Variants in CIP2A observed in about 807,000 individuals in gnomAD.
The protein encoded by CIP2A is cellular inhibitor of PP2A.
CIP2A carries 103 observed loss-of-function variants against 110.9 expected under a neutral mutation model. The ratio of observed to expected loss-of-function variants is 0.93; its 90% CI spans 0.79 to 1.09. The LOEUF (loss-of-function observed/expected upper bound fraction) is 1.09. Among genes scored for constraint, CIP2A ranks in the 50% least tolerant of loss-of-function variants. The pLI is 0.00. For missense variants in CIP2A, 1,088 were observed against 1,038.4 expected (o/e 1.05, Z -0.66); for synonymous variants, 381 against 361.6 (o/e 1.05, Z -0.61).
intron 1 of CIP2A, chr3:108,585,561 C>T (rs1221055353): frequency 7.8e-6 from 3 of 387,048 alleles, no homozygotes; most frequent in South Asian, 6.2e-5. Context: ...AGCAATATTT[C>T]TCCTTCACAC....
At chr3:108,560,623 G>A (rs1184195481) in intron 14 of CIP2A, 26 bp downstream of exon 14, 2 of 1,462,276 alleles carry the variant, frequency 1.4e-6, no homozygotes, top group Non-Finnish European at 1.9e-6. Flanking sequence ...TATGTACCAG[G>A]TTATAATTGC....
chr3:108,584,143 G>A (rs1475829621), intron 2 of CIP2A, among the ~76,000 whole-genome samples: 2 of 152,116 alleles, frequency 1.3e-5, no homozygotes, highest in African/African-American at 4.8e-5. Flanking sequence ...TACATAGAAT[G>A]TTCACTGCAC....
In CIP2A at chr3:108,568,282, A is replaced by G. The variant is rs780127496; in HGVS notation, c.1146T>C (p.Ala382=). 2.5e-6 allele frequency: 4 copies of G among 1,612,152 alleles called. No individual in the cohort carries two copies. The highest frequency in any genetic ancestry group is 1.7e-5 in the Admixed American group (1 of 59,830). The part of the protein sequence containing the change: ...DVIDAANCSS[A]DRFVTLLLPT... Reference sequence around the variant, plus strand: ...GCAGCAGAAGGGTCACAAAACGATCAGCCGAGGAACAGTTAGCAGCATCTA... The same window carrying G: ...GCAGCAGAAGGGTCACAAAACGATCGGCCGAGGAACAGTTAGCAGCATCTA... The change falls in exon 10 of 21, where the codon GCT becomes GCC. Residue 382 remains alanine (A), a synonymous_variant. Coordinates refer to ENST00000295746, the MANE Select transcript of CIP2A (RefSeq NM_020890.3).
chr3:108,584,560 T>C (rs888393568), intron 2 of CIP2A, among the ~76,000 whole-genome samples: 26 of 152,214 alleles, frequency 1.7e-4, no homozygotes, highest in African/African-American at 6.3e-4. Flanking sequence ...CTTAGTCTAT[T>C]ACCCACACTT....
intron 11 of CIP2A, 103 bp downstream of exon 11, chr3:108,566,387 GTTATATC>G: frequency 6.4e-6 from 5 of 781,210 alleles, no homozygotes; most frequent in Middle Eastern, 2.4e-4. Flanking sequence ...TTGTTAATCT[GTTATATC>G]TTAAGTTATA....
At chr3:108,562,114 T>C (rs1938025080) in intron 13 of CIP2A, among the ~76,000 whole-genome samples, 1 of 152,204 alleles carries the variant, frequency 6.6e-6, no homozygotes, top group African/African-American at 2.4e-5. Context: ...ATTTTGGTTA[T>C]ATGTTCTCTA....
intron 11 of CIP2A, among the ~76,000 whole-genome samples, chr3:108,566,188 AATTG>A (rs1461229781): frequency 6.6e-6 from 1 of 151,754 alleles, no homozygotes; most frequent in African/African-American, 2.4e-5. Context: ...AAAAAAGTAA[AATTG>A]ATTACTGAGG....
chr3:108,582,093 T>G lies in CIP2A; in HGVS notation c.452+15A>C, dbSNP rs779377508. On this transcript the variant is annotated intron_variant, in intron 4 of 20. Transcript: ENST00000295746. ...CAAATAAACTATTTGGTTTTATGTT[T>G]GATTGCATACTCACATGTGATCTAT... 3 of 1,172,562 alleles carry G rather than the reference T, an allele frequency of 2.6e-6. No individual in the cohort carries two copies. In the African/African-American group the frequency reaches 4.7e-5, roughly 18 times the overall value. 72.6% of individuals were successfully genotyped at this position (1,172,562 alleles called of 1,614,324 possible). A position where few individuals can be genotyped will look rare whatever the true frequency, so the allele number is the denominator to read the frequency against.
chr3:108,553,496 G>C (rs1318936777), intron 19 of CIP2A, 152 bp downstream of exon 19: 2 of 675,250 alleles, frequency 3.0e-6, no homozygotes, highest in Non-Finnish European at 4.7e-6. Context: ...AACTGCTTTT[G>C]TGAAACATTA....
chr3:108,568,650 T>C lies in CIP2A; in HGVS notation c.1114-336A>G, dbSNP rs144970225. Among the ~76,000 whole-genome samples the C allele has an allele frequency of 3.3e-3, 497 of 152,126 alleles. 2 individuals carry two copies. Among genetic ancestry groups the C allele is most frequent in the African/African-American group, 0.011 (470 of 41,550 alleles). On this transcript the variant is annotated intron_variant, in intron 9 of 20. Coordinates refer to ENST00000295746, the MANE Select transcript of CIP2A (RefSeq NM_020890.3). ...AAAAGTAATAACAATAATTAAATAA[T>C]AGACATTGGTCTTAATAGTTTATGA...
intron 4 of CIP2A, 89 bp downstream of exon 4, chr3:108,582,019 G>A: frequency 1.7e-6 from 1 of 601,092 alleles, no homozygotes. Flanking sequence ...GTTAGAAAAT[G>A]TTATCTAAGA....
chr3:108,568,455 T>C, intron 9 of CIP2A, 141 bp from the exon 10 acceptor site: 1 of 552,246 alleles, frequency 1.8e-6, no homozygotes, highest in East Asian at 3.3e-5. Flanking sequence ...CCTGTGAATA[T>C]TTAAATTTTT....
In CIP2A at chr3:108,550,384, A is replaced by G. The variant is rs1261970542; in HGVS notation, c.*765T>C. The G allele has an allele frequency of 6.6e-6, 1 of 151,508 alleles. No individual in the cohort carries two copies. Among genetic ancestry groups the G allele is most frequent in the Non-Finnish European group, 1.5e-5 (1 of 67,698 alleles). 9.4% of individuals were successfully genotyped at this position (151,508 alleles called of 1,614,324 possible). A position where few individuals can be genotyped will look rare whatever the true frequency, so the allele number is the denominator to read the frequency against. ...AATTATCCTTATGTAAATCATAAGAAACTTATAATTAATTATAGATGATCT... is the reference window on the plus strand; with the variant it reads ...AATTATCCTTATGTAAATCATAAGAGACTTATAATTAATTATAGATGATCT... On this transcript the variant is annotated 3_prime_UTR_variant, in exon 21 of 21. Coordinates refer to ENST00000295746, the MANE Select transcript of CIP2A (RefSeq NM_020890.3).
intron 5 of CIP2A, 83 bp from the exon 6 acceptor site, chr3:108,579,771 C>A (rs926538887): frequency 4.2e-5 from 30 of 715,594 alleles, no homozygotes; most frequent in Non-Finnish European, 5.0e-5. Flanking sequence ...ACAGAGTGGG[C>A]AAACTTTTAT....
intron 1 of CIP2A, among the ~76,000 whole-genome samples, chr3:108,588,242 A>T (rs1181220054): frequency 6.6e-6 from 1 of 152,134 alleles, no homozygotes; most frequent in Non-Finnish European, 1.5e-5. Context: ...AGCATTTAAC[A>T]GCTAACACCT....
At chr3:108,579,129 AGAGTGT>A in intron 7 of CIP2A, 146 bp downstream of exon 7, 1 of 564,098 alleles carries the variant, frequency 1.8e-6, no homozygotes, top group East Asian at 3.1e-5. Context: ...GAAAGAAAAA[AGAGTGT>A]GAGTAAAGCA....
intron 4 of CIP2A, among the ~76,000 whole-genome samples, 170 bp from the exon 5 acceptor site, chr3:108,581,681 T>C (rs1938886474): frequency 6.6e-6 from 1 of 152,130 alleles, no homozygotes; most frequent in African/African-American, 2.4e-5. Context: ...TTGAATAGTA[T>C]TGATCATTTA....
In CIP2A at chr3:108,575,394, A is replaced by G. The variant is rs975143373; in HGVS notation, c.894+877T>C. ...CACATATACATGTATGCGTGTATAT[A>G]TGTTCACATGTGTATGTATACATAT... On this transcript the variant is annotated intron_variant, in intron 8 of 20. Coordinates refer to ENST00000295746, the MANE Select transcript of CIP2A (RefSeq NM_020890.3). Among the ~76,000 whole-genome samples the G allele has an allele frequency of 2.3e-4, 34 of 149,206 alleles. No individual in the cohort carries two copies. In the Admixed American group the frequency reaches 2.3e-3, roughly 10 times the overall value.
Position 108,567,954 on chromosome 3 carries a change from G to C in CIP2A, c.1273+201C>G, listed in dbSNP as rs575595022. ...TACTTTAACTTAAAAGTTTCACACA[G>C]AAAAATAAGGAAAAAAAATCATGGA... On this transcript the variant is annotated intron_variant, in intron 10 of 20. Coordinates refer to ENST00000295746, the MANE Select transcript of CIP2A (RefSeq NM_020890.3). 1.3e-5 allele frequency among the ~76,000 whole-genome samples: 2 copies of C among 151,844 alleles called. 1 individual carries two copies. The highest frequency in any genetic ancestry group is 3.9e-4 in the East Asian group (2 of 5,166).
Sources: allele counts gnomAD v4.1 joint callset (sites outside exome capture counted in the v4.1 genomes callset), GRCh38; gene constraint gnomAD v4.1.1; transcripts MANE v1.5; gene names NCBI Gene and HGNC (gene_info 2026-07-23, HGNC 2026-07-21).